The following CLEC1B variants were observed in gnomAD, a reference collection of about 807,000 sequenced individuals.
CLEC1B encodes C-type lectin domain family 1 member B.
CLEC1B carries 26 observed loss-of-function variants against 26.7 expected under a neutral mutation model. The ratio of observed to expected loss-of-function variants is 0.97; its 90% CI spans 0.71 to 1.35. The LOEUF is 1.35. Among genes scored for constraint, CLEC1B ranks in the 40% most tolerant of loss-of-function variants. The pLI, the probability that CLEC1B is intolerant of heterozygous loss-of-function variation, is 0.00. For missense variants in CLEC1B, 293 were observed against 282.6 expected, an observed-to-expected ratio of 1.04 and a Z score of -0.26; for synonymous variants, 112 against 96.0, an observed-to-expected ratio of 1.17 and a Z score of -0.97.
chr12:9,998,745 A>G (rs7977955), intron 1 of CLEC1B, among the ~76,000 whole-genome samples: 65,665 of 151,726 alleles, frequency 0.43, 14,456 homozygotes, highest in Non-Finnish European at 0.45. Context: ...TCATTTGCTC[A>G]CATATAGAAA....
At chr12:9,993,392 AT>A in intron 5 of CLEC1B, 105 bp from the exon 6 acceptor site, 1 of 700,610 alleles carries the variant, frequency 1.4e-6, no homozygotes, top group South Asian at 1.6e-5. Context: ...ACTGAGGAAA[AT>A]AGGAAAAAAA....
At chr12:9,995,072 G>A in intron 5 of CLEC1B, 68 bp downstream of exon 5, 1 of 1,600,708 alleles carries the variant, frequency 6.2e-7, no homozygotes, top group Non-Finnish European at 8.5e-7. Context: ...CTTGGACTGA[G>A]AGAAGAGGGA....
intron 4 of CLEC1B, among the ~76,000 whole-genome samples, chr12:9,995,988 A>AG (rs1865035856): frequency 6.6e-6 from 1 of 152,158 alleles, no homozygotes; most frequent in Non-Finnish European, 1.5e-5. Flanking sequence ...TGAATCAATC[A>AG]ATCTATGGGT....
Position 9,995,231 on chromosome 12 carries a change from T to G in CLEC1B, c.454A>C (p.Arg152=), listed in dbSNP as rs778816261. 6.2e-7 allele frequency: 1 copy of G among 1,612,722 alleles called. No individual in the cohort carries two copies. The highest frequency in any genetic ancestry group is 1.1e-5 in the South Asian group (1 of 91,072). Residue 152 remains arginine (R), a synonymous_variant, in exon 5 of 6, where the codon AGG becomes CGG. Coordinates refer to ENST00000298527, the MANE Select transcript of CLEC1B (RefSeq NM_016509.4). Reference sequence around the variant, plus strand: ...CCGACCCAACGAATTAAATGAGTCCTGGCTTTGATGTACTCCTATTGTAAA... The same window carrying G: ...CCGACCCAACGAATTAAATGAGTCCGGGCTTTGATGTACTCCTATTGTAAA... ...NRNIVEYIKA[R]THLIRWVGLS...
Position 9,997,236 on chromosome 12 carries a change from G to A in CLEC1B, c.207C>T (p.Arg69=). ...RNYLQGENEN[R]TGTLQQLAKR... Reference sequence around the variant, plus strand: ...TTGCTAATTGTTGCAGAGTTCCTGTGCGATTTTCATTCTCACCTTGTAGGT... The same window carrying A: ...TTGCTAATTGTTGCAGAGTTCCTGTACGATTTTCATTCTCACCTTGTAGGT... Residue 69 remains arginine (R), a synonymous_variant, in exon 3 of 6, where the codon CGC becomes CGT. Transcript: ENST00000298527. 6.2e-7 allele frequency: 1 copy of A among 1,613,470 alleles called. No individual in the cohort carries two copies. The highest frequency in any genetic ancestry group is 2.2e-5 in the East Asian group (1 of 44,868).
At chr12:10,001,887 T>C (rs1475907001), upstream of CLEC1B, among the ~76,000 whole-genome samples, 1 of 151,024 alleles carries the variant, frequency 6.6e-6, no homozygotes, top group Non-Finnish European at 1.5e-5. Context: ...AAATCTTTTT[T>C]TTTTTTTTTT....
intron 2 of CLEC1B, among the ~76,000 whole-genome samples, chr12:9,997,723 G>A (rs1002523207): frequency 6.6e-6 from 1 of 152,030 alleles, no homozygotes. Context: ...AAATACAAGA[G>A]GATAAATGTT....
intron 4 of CLEC1B, 75 bp from the exon 5 acceptor site, chr12:9,995,321 T>C (rs754787005): frequency 1.6e-6 from 2 of 1,276,300 alleles, no homozygotes; most frequent in East Asian, 2.3e-5. Flanking sequence ...AGCTTCATGA[T>C]AAGACGTTGG....
chr12:9,996,994 T>C lies in CLEC1B; in HGVS notation c.290A>G (p.His97Arg). ...QSELKGTFKG[H>R]KCSPCDTNWR... Reference sequence around the variant, plus strand: ...GTTTGTGTCACAGGGGCTGCATTTATGACCTTCTGGAGAAACCAAGCACAG... The same window carrying C: ...GTTTGTGTCACAGGGGCTGCATTTACGACCTTCTGGAGAAACCAAGCACAG... The change falls in exon 4 of 6, where the codon CAT (histidine) becomes CGT (arginine). Residue 97 changes from histidine (H) to arginine (R), a missense_variant. Coordinates refer to ENST00000298527, the MANE Select transcript of CLEC1B (RefSeq NM_016509.4). 1 of 1,614,026 alleles carries C rather than the reference T, an allele frequency of 6.2e-7. No homozygotes were observed. Among genetic ancestry groups the C allele is most frequent in the Non-Finnish European group, 8.5e-7 (1 of 1,179,958 alleles).
intron 3 of CLEC1B, 43 bp downstream of exon 3, chr12:9,997,117 C>G: frequency 6.2e-7 from 1 of 1,611,482 alleles, no homozygotes; most frequent in Non-Finnish European, 8.5e-7. Context: ...GAGAAATGCT[C>G]CAGGGGTTGG....
At chr12:9,997,132 A>G in intron 3 of CLEC1B, 28 bp downstream of exon 3, 2 of 1,613,444 alleles carry the variant, frequency 1.2e-6, no homozygotes, top group South Asian at 1.1e-5. Flanking sequence ...GGTTGGAGAG[A>G]TGAAGAGGTT....
At chr12:9,995,855 G>C (rs1399639388) in intron 4 of CLEC1B, among the ~76,000 whole-genome samples, 9 of 152,010 alleles carry the variant, frequency 5.9e-5, no homozygotes, top group African/African-American at 2.2e-4. Context: ...TTTCTTGGCT[G>C]TTGCTTTAAC....
At chr12:9,993,827 T>A (rs757941035) in intron 5 of CLEC1B, among the ~76,000 whole-genome samples, 1 of 152,162 alleles carries the variant, frequency 6.6e-6, no homozygotes. Context: ...CTAAACTGCT[T>A]ATAATGAGAT....
upstream of CLEC1B, chr12:9,999,207 G>A: frequency 2.6e-6 from 2 of 755,724 alleles, no homozygotes; most frequent in South Asian, 3.4e-5. Context: ...CCTGTCTTTA[G>A]TAGGGTAGAA....
At chr12:9,993,853 C>A (rs1370167277) in intron 5 of CLEC1B, among the ~76,000 whole-genome samples, 1 of 152,084 alleles carries the variant, frequency 6.6e-6, no homozygotes, top group Admixed American at 6.6e-5. Flanking sequence ...GGAATATATA[C>A]TTATTGGTTT....
chr12:9,999,979 T>A (rs10505742), upstream of CLEC1B, among the ~76,000 whole-genome samples: 3,483 of 152,322 alleles, frequency 0.023, 56 homozygotes, highest in Non-Finnish European at 0.036. Context: ...TTTTACATTA[T>A]TTTAGCTTGC....
At chr12:9,994,921 C>A in intron 5 of CLEC1B, 1 of 1,218,856 alleles carries the variant, frequency 8.2e-7, no homozygotes, top group Non-Finnish European at 1.1e-6. Context: ...GGAATAATAT[C>A]AGAGATAAAG....
rs1169097786 is a variant in CLEC1B, at chr12:9,993,201, T to C, written c.632A>G (p.Lys211Arg). 3 of 1,612,608 alleles carry C rather than the reference T, an allele frequency of 1.9e-6. No individual in the cohort carries two copies. Among genetic ancestry groups the C allele is most frequent in the South Asian group, 2.2e-5 (2 of 91,032 alleles). ...GKMHPTFCEN[K>R]HYLMCERKAG... is the part of the protein sequence containing the mutation. ...CTTCCTCTCACACATTAAATAATGT[T>C]TGTTCTCACAGAAGGTAGGGTGCAT... The change falls in exon 6 of 6, where the codon AAA (lysine) becomes AGA (arginine). Residue 211 changes from lysine (K) to arginine (R), a missense_variant. Physicochemically the swap from Lys to Arg is conservative, Grantham distance 26. Transcript: ENST00000298527.
intron 4 of CLEC1B, chr12:9,995,805 A>G (rs1865029800): frequency 5.3e-6 from 1 of 188,184 alleles, no homozygotes; most frequent in Admixed American, 5.4e-5. Context: ...ATTAGCAATT[A>G]TCACTATCTA....
Sources: allele counts gnomAD v4.1 joint callset (sites outside exome capture counted in the v4.1 genomes callset), GRCh38; gene constraint gnomAD v4.1.1; transcripts MANE v1.5; gene names NCBI Gene and HGNC (gene_info 2026-07-23, HGNC 2026-07-21).